IFT122: variants seen among roughly 807,000 people sequenced by gnomAD.
IFT122 encodes intraflagellar transport 122, also known as intraflagellar transport protein 122 homolog.
Under a neutral mutation model 161.6 loss-of-function variants are expected in IFT122, and 118 were observed. The observed-to-expected ratio is 0.73, with a 90% CI of 0.63 to 0.85. The LOEUF (loss-of-function observed/expected upper bound fraction) is 0.85. IFT122 is among the 40% of genes least tolerant of loss of function. IFT122 has a pLI of 0.00. For synonymous variants in IFT122, 550 were observed against 602.4 expected (o/e 0.91, Z 1.27); for missense variants, 1,381 against 1,579.6 (o/e 0.87, Z 2.13).
At position 129,516,617 on chromosome 3, in the gene IFT122, GCA is replaced by G. The variant is rs1230262607; in HGVS notation, c.3266-836_3266-835del. Among the ~76,000 whole-genome samples the G allele has an allele frequency of 6.3e-4, 58 of 92,698 alleles. 1 individual carries two copies. Among genetic ancestry groups the G allele is most frequent in the African/African-American group, 1.6e-3 (36 of 23,220 alleles). The allele number at this position is 92,698 out of a possible 152,430, so 60.8% of individuals were successfully genotyped here. A position where few individuals can be genotyped will look rare whatever the true frequency, so the allele number is the denominator to read the frequency against. On this transcript the variant is annotated intron_variant, in intron 26 of 29. Transcript: ENST00000348417. ...CTGCACACACACAGAGACTGCCCCT[GCA>G]CACACACACACACACGGAGACTGCC...
chr3:129,484,198 G>A (rs1219236077), intron 15 of IFT122, among the ~76,000 whole-genome samples: 6 of 152,094 alleles, frequency 3.9e-5, no homozygotes, highest in African/African-American at 7.2e-5. Context: ...GGGCACTGAA[G>A]GGTGGAGCCA....
intron 6 of IFT122, among the ~76,000 whole-genome samples, chr3:129,464,033 G>T (rs887554240): frequency 6.6e-6 from 1 of 152,308 alleles, no homozygotes. Context: ...AAATCTTTCT[G>T]AGCTGGAGCT....
chr3:129,482,020 C>T (rs2078714046), intron 14 of IFT122, among the ~76,000 whole-genome samples: 1 of 152,228 alleles, frequency 6.6e-6, no homozygotes, highest in Admixed American at 6.5e-5. Context: ...GTGACGTTGG[C>T]ACTCAGTGAA....
chr3:129,463,259 A>AT, intron 5 of IFT122: 1 of 354,916 alleles, frequency 2.8e-6, no homozygotes, highest in Non-Finnish European at 5.4e-6. Context: ...CATCAGCGTG[A>AT]CACAGAACTA....
intron 16 of IFT122, among the ~76,000 whole-genome samples, chr3:129,489,605 C>T (rs538150414): frequency 3.3e-5 from 5 of 151,924 alleles, no homozygotes; most frequent in Non-Finnish European, 5.9e-5. Flanking sequence ...TTTGGGAGGC[C>T]GAGGTGTGCG....
At chr3:129,496,978 G>A (rs1157789823) in intron 18 of IFT122, among the ~76,000 whole-genome samples, 3 of 152,232 alleles carry the variant, frequency 2.0e-5, no homozygotes, top group East Asian at 1.9e-4. Context: ...CAGCTGTGCT[G>A]CAGTAGAAAA....
chr3:129,480,720 G>C (rs968197828), intron 13 of IFT122, among the ~76,000 whole-genome samples: 1 of 152,200 alleles, frequency 6.6e-6, no homozygotes, highest in East Asian at 1.9e-4. Flanking sequence ...GCCGGAGGTC[G>C]TGTTCTTACT....
chr3:129,473,793 A>G (rs2077614218), intron 9 of IFT122, among the ~76,000 whole-genome samples: 1 of 152,242 alleles, frequency 6.6e-6, no homozygotes, highest in African/African-American at 2.4e-5. Context: ...CCCTCAGGCA[A>G]AAACCCTTAA....
chr3:129,440,303 A>G lies in IFT122; in HGVS notation c.-28A>G, dbSNP rs2107773668. 1 of 1,549,514 alleles carries G rather than the reference A, an allele frequency of 6.5e-7. No individual in the cohort carries two copies. Among genetic ancestry groups the G allele is most frequent in the Non-Finnish European group, 8.7e-7 (1 of 1,146,718 alleles). The stretch of plus-strand genomic sequence containing the variant: ...TGAGACAGACGCTGAGGCGGGTAGG[A>G]GGAGCCCGAGCCGTAAGGGAAGCCG... On this transcript the variant is annotated 5_prime_UTR_variant, in exon 1 of 30. Coordinates refer to ENST00000348417, the MANE Select transcript of IFT122 (RefSeq NM_052989.3).
chr3:129,491,346 G>A (rs1189446981), intron 16 of IFT122, among the ~76,000 whole-genome samples: 2 of 152,174 alleles, frequency 1.3e-5, no homozygotes, highest in Non-Finnish European at 2.9e-5. Flanking sequence ...GCAATAAATG[G>A]TGACAGCAAA....
intron 1 of IFT122, among the ~76,000 whole-genome samples, chr3:129,448,813 T>G (rs1368120907): frequency 6.6e-6 from 1 of 151,984 alleles, no homozygotes. Flanking sequence ...TGCCTCAGCC[T>G]CTCGAGTAGC....
rs1380541042 is a variant in IFT122, at chr3:129,478,100, T to C, written c.1232T>C (p.Ile411Thr). The C allele has an allele frequency of 1.2e-6, 2 of 1,613,942 alleles. No homozygotes were observed. The highest frequency in any genetic ancestry group is 2.2e-5 in the East Asian group (1 of 44,900). The part of the protein sequence containing the change: ...LAIQLPEKIL[I>T]YELYSEDLSD... ...ATCCAACTGCCAGAGAAAATCCTCA[T>C]CTATGAGTTGTATTCAGAGGACTTA... Residue 411 changes from isoleucine to threonine, a missense_variant, in exon 12 of 30, where the codon ATC becomes ACC. Transcript: ENST00000348417.
At chr3:129,449,121 A>C (rs561667562) in intron 1 of IFT122, among the ~76,000 whole-genome samples, 1 of 152,166 alleles carries the variant, frequency 6.6e-6, no homozygotes, top group Non-Finnish European at 1.5e-5. Flanking sequence ...TACCTTCACT[A>C]TCTGGCTAAA....
At chr3:129,476,001 AC>A in intron 9 of IFT122, 1 of 426,162 alleles carries the variant, frequency 2.3e-6, no homozygotes, top group Middle Eastern at 6.9e-4. Context: ...GCCTTTGGGA[AC>A]AAAACCACCC....
chr3:129,476,347 C>T lies in IFT122; in HGVS notation c.849C>T (p.Pro283=), dbSNP rs771115196. The T allele has an allele frequency of 2.1e-5, 34 of 1,614,094 alleles. No individual in the cohort carries two copies. The East Asian group carries it at 6.9e-4, about 33-fold the overall frequency. ...AGGATCGGGCACTGAACTTTGACCC[C>T]TGCTGCATCAGCTACTTTACTAAAG... ...IGKDRALNFD[P]CCISYFTKGE... Residue 283 remains proline, a synonymous_variant, in exon 10 of 30, where the codon CCC becomes CCT. Transcript: ENST00000348417.
chr3:129,455,831 C>T (rs2075410420), intron 3 of IFT122, among the ~76,000 whole-genome samples: 1 of 152,018 alleles, frequency 6.6e-6, no homozygotes, highest in African/African-American at 2.4e-5. Context: ...AATATATTTA[C>T]TCTTCATTAA....
rs369287435 is a variant in IFT122 at position 129,508,624 on chromosome 3, A to AT, written c.2886+867dup. 2.5e-3 allele frequency among the ~76,000 whole-genome samples: 379 copies of AT among 152,300 alleles called. 2 individuals carry two copies. Among genetic ancestry groups the AT allele is most frequent in the African/African-American group, 8.8e-3 (366 of 41,564 alleles). The stretch of plus-strand genomic sequence containing the variant: ...AAATAGGAACCATTATGATCAACAC[A>AT]TTTTTGCCAATGAGAAATAAGTCTG... On this transcript the variant is annotated intron_variant, in intron 23 of 29. Coordinates refer to ENST00000348417, the MANE Select transcript of IFT122 (RefSeq NM_052989.3).
chr3:129,469,657 G>T (rs921262150), intron 9 of IFT122, among the ~76,000 whole-genome samples: 2 of 152,200 alleles, frequency 1.3e-5, no homozygotes, highest in Admixed American at 6.5e-5. Flanking sequence ...CCAGAACTCA[G>T]AGCAGTGAAA....
intron 23 of IFT122, among the ~76,000 whole-genome samples, chr3:129,511,978 G>C (rs2082890125): frequency 6.6e-6 from 1 of 152,250 alleles, no homozygotes; most frequent in Non-Finnish European, 1.5e-5. Flanking sequence ...AGGCAGTACA[G>C]CTTGGAAGAA....
Sources: allele counts gnomAD v4.1 joint callset (sites outside exome capture counted in the v4.1 genomes callset), GRCh38; gene constraint gnomAD v4.1.1; transcripts MANE v1.5; gene names NCBI Gene and HGNC (gene_info 2026-07-23, HGNC 2026-07-21).